The following DMD variants were observed in gnomAD, a reference collection of about 807,000 sequenced individuals.
DMD encodes the protein mutant dystrophin.
In DMD, 63 loss-of-function variants were observed where a neutral mutation model predicts 330.1. That is an observed-to-expected ratio of 0.19 (90% CI 0.16 to 0.24). The LOEUF is 0.24. Ranked by LOEUF, DMD falls within the 10% of genes least tolerant of loss-of-function variation. The probability of loss-of-function intolerance (pLI) is 1.00; values close to 1 mark genes in which losing one functional copy is unlikely to be tolerated. For synonymous variants in DMD, 1,223 were observed against 959.8 expected (o/e 1.27, Z -5.07); for missense variants, 3,344 against 2,684.1 (o/e 1.25, Z -5.43).
At chrX:32,252,782 A>AT (rs34705225) in intron 43 of DMD, among the ~76,000 whole-genome samples, 7 of 66,604 alleles carry the variant, frequency 1.1e-4, no homozygotes, top group Non-Finnish European at 1.7e-4. Context: ...AAATATATAT[A>AT]AATATATATA....
chrX:32,663,752 A>G (rs892726258), intron 9 of DMD, among the ~76,000 whole-genome samples: 12 of 111,951 alleles, frequency 1.1e-4, no homozygotes, highest in Non-Finnish European at 1.9e-4. Flanking sequence ...TGTAAGTGTT[A>G]TGGAGAAAAG....
intron 67 of DMD, among the ~76,000 whole-genome samples, chrX:31,194,396 T>G (rs892534886): frequency 1.8e-5 from 2 of 112,268 alleles, no homozygotes; most frequent in African/African-American, 6.5e-5. Flanking sequence ...TGTGTAACGA[T>G]AGCATTGCAG....
intron 17 of DMD, among the ~76,000 whole-genome samples, chrX:32,532,138 G>A (rs979749466): frequency 1.8e-5 from 2 of 110,570 alleles, no homozygotes; most frequent in African/African-American, 6.6e-5. Context: ...TCTTGCACTT[G>A]GAAAAAAAAG....
At chrX:31,513,377 A>G (rs1278438412) in intron 55 of DMD, among the ~76,000 whole-genome samples, 3 of 108,838 alleles carry the variant, frequency 2.8e-5, no homozygotes, top group Non-Finnish European at 5.7e-5. Flanking sequence ...ACTATGTTGA[A>G]TAGGAGTGGT....
At chrX:31,269,949 C>T (rs1322204132) in intron 62 of DMD, among the ~76,000 whole-genome samples, 1 of 111,460 alleles carries the variant, frequency 9.0e-6, no homozygotes, top group Non-Finnish European at 1.9e-5. Flanking sequence ...TTGCTTTCAG[C>T]CAATTGGGAG....
At chrX:32,843,396 T>A (rs2042125277) in intron 4 of DMD, among the ~76,000 whole-genome samples, 1 of 112,146 alleles carries the variant, frequency 8.9e-6, no homozygotes, top group Non-Finnish European at 1.9e-5. Flanking sequence ...AATCAGCTCA[T>A]AGATTATTCT....
intron 44 of DMD, among the ~76,000 whole-genome samples, chrX:32,092,362 C>A (rs2096480913): frequency 1.8e-5 from 2 of 111,832 alleles, no homozygotes; most frequent in Admixed American, 1.9e-4. Flanking sequence ...ACACTTCAGA[C>A]AAGGCCCCTT....
At chrX:32,284,535 C>A (rs2097432240) in intron 43 of DMD, among the ~76,000 whole-genome samples, 3 of 111,875 alleles carry the variant, frequency 2.7e-5, no homozygotes, top group Non-Finnish European at 5.6e-5. Flanking sequence ...AAATTGCCAA[C>A]CTTAACTGAG....
chrX:32,200,615 T>A (rs1158120197), intron 44 of DMD, among the ~76,000 whole-genome samples: 5 of 112,244 alleles, frequency 4.5e-5, no homozygotes, highest in Non-Finnish European at 9.4e-5. Context: ...CACACATATA[T>A]AATTTGAAAT....
chrX:31,452,320 C>T (rs920570493), intron 59 of DMD, among the ~76,000 whole-genome samples: 3 of 108,859 alleles, frequency 2.8e-5, no homozygotes, highest in Non-Finnish European at 5.7e-5. Context: ...CGGTGGCTCA[C>T]GCCTGTAATC....
intron 16 of DMD, among the ~76,000 whole-genome samples, chrX:32,561,678 C>T (rs2051026776): frequency 9.0e-6 from 1 of 111,124 alleles, no homozygotes; most frequent in African/African-American, 3.3e-5. Context: ...CAGAAGCCAG[C>T]CCAACATTCA....
intron 7 of DMD, among the ~76,000 whole-genome samples, chrX:32,793,744 G>C (rs913642547): frequency 9.0e-6 from 1 of 111,604 alleles, no homozygotes; most frequent in Non-Finnish European, 1.9e-5. Flanking sequence ...AATTAGTAAT[G>C]ATCTTGAATC....
intron 47 of DMD, among the ~76,000 whole-genome samples, chrX:31,914,325 G>T (rs1011613391): frequency 9.0e-6 from 1 of 111,603 alleles, no homozygotes; most frequent in Admixed American, 9.5e-5. Flanking sequence ...CAGTTTGGAG[G>T]TTCCTCAAAA....
At chrX:32,515,108 G>A (rs1437730919) in intron 18 of DMD, among the ~76,000 whole-genome samples, 3 of 111,775 alleles carry the variant, frequency 2.7e-5, no homozygotes, top group Admixed American at 9.5e-5. Flanking sequence ...AAAGAGGGAT[G>A]AGTCATAGTG....
At chrX:32,160,816 GT>G (rs941076550) in intron 44 of DMD, among the ~76,000 whole-genome samples, 1 of 111,494 alleles carries the variant, frequency 9.0e-6, no homozygotes, top group African/African-American at 3.3e-5. Flanking sequence ...AATCAATATT[GT>G]TTTTTGTTAA....
chrX:33,102,052 A>G (rs763046139), intron 1 of DMD, among the ~76,000 whole-genome samples: 11 of 111,910 alleles, frequency 9.8e-5, no homozygotes, highest in Non-Finnish European at 1.9e-4. Context: ...TTCAAATCCA[A>G]ACTTCCTAAA....
intron 1 of DMD, among the ~76,000 whole-genome samples, chrX:33,111,690 T>A (rs2095340755): frequency 9.0e-6 from 1 of 111,716 alleles, no homozygotes; most frequent in African/African-American, 3.3e-5. Context: ...CACTGCAACC[T>A]CTGCCTCTGG....
intron 44 of DMD, among the ~76,000 whole-genome samples, chrX:32,019,181 C>T (rs1288543448): frequency 1.8e-5 from 2 of 108,481 alleles, no homozygotes; most frequent in Admixed American, 2.0e-4. Context: ...GATGAGAAAG[C>T]ACATACAAAA....
intron 51 of DMD, among the ~76,000 whole-genome samples, chrX:31,770,499 C>T (rs2090271318): frequency 8.9e-6 from 1 of 112,008 alleles, no homozygotes; most frequent in African/African-American, 3.2e-5. Context: ...GCCTGGATTG[C>T]CCTTCTCGTT....
Sources: gnomAD v4.1 joint callset for allele counts (sites outside exome capture counted in the v4.1 genomes callset) on GRCh38, gnomAD v4.1.1 for gene constraint, MANE v1.5 for transcripts, NCBI Gene and HGNC (gene_info 2026-07-23, HGNC 2026-07-21) for gene names.